Variants in MPZL1 observed in about 807,000 individuals in gnomAD.
The protein encoded by MPZL1 is myelin protein zero-like protein 1.
MPZL1 carries 16 observed loss-of-function variants against 29.3 expected under a neutral mutation model. The ratio of observed to expected loss-of-function variants is 0.55; its 90% CI spans 0.37 to 0.83. The LOEUF is 0.83. MPZL1 is among the 40% of genes least tolerant of loss of function. The pLI, the probability that MPZL1 is intolerant of heterozygous loss-of-function variation, is 0.00. For synonymous variants in MPZL1, 143 were observed against 132.0 expected (o/e 1.08, Z -0.57); for missense variants, 279 against 332.9 (o/e 0.84, Z 1.26).
At chr1:167,783,755 C>T (rs146155065) in intron 5 of MPZL1, among the ~76,000 whole-genome samples, 240 of 152,230 alleles carry the variant, frequency 1.6e-3, no homozygotes, top group African/African-American at 5.3e-3. Flanking sequence ...CAATTTTTTT[C>T]ACCTCTGCTT....
intron 5 of MPZL1, among the ~76,000 whole-genome samples, chr1:167,780,454 G>A (rs1208558648): frequency 6.6e-6 from 1 of 152,180 alleles, no homozygotes; most frequent in Non-Finnish European, 1.5e-5. Flanking sequence ...CATGTTCATA[G>A]CAGTATTATT....
At chr1:167,738,480 T>G (rs1389180017) in intron 1 of MPZL1, among the ~76,000 whole-genome samples, 1 of 152,202 alleles carries the variant, frequency 6.6e-6, no homozygotes, top group African/African-American at 2.4e-5. Context: ...TTTCCTACTA[T>G]TTATAGCTGG....
At chr1:167,761,480 C>A (rs762538649) in intron 1 of MPZL1, among the ~76,000 whole-genome samples, 2 of 151,994 alleles carry the variant, frequency 1.3e-5, no homozygotes, top group African/African-American at 2.4e-5. Context: ...GGCACAGATG[C>A]AGGGAGGTGG....
intron 1 of MPZL1, among the ~76,000 whole-genome samples, chr1:167,755,153 G>A (rs765036750): frequency 6.6e-6 from 1 of 152,130 alleles, no homozygotes; most frequent in Non-Finnish European, 1.5e-5. Context: ...GTATTTTTCA[G>A]TAGTTTCAGT....
rs1320951679 is a variant in MPZL1 at position 167,788,106 on chromosome 1, A to G, written c.*185A>G. On this transcript the variant is annotated 3_prime_UTR_variant, in exon 6 of 6. Coordinates refer to ENST00000359523, the MANE Select transcript of MPZL1 (RefSeq NM_003953.6). ...AAATATTCTATTTAGTCATCCTGAT[A>G]TGAGGAGCCAGTGTTGCATGATGAA... 1 of 522,336 alleles carries G rather than the reference A, an allele frequency of 1.9e-6. No homozygotes were observed. Among genetic ancestry groups the G allele is most frequent in the Non-Finnish European group, 3.5e-6 (1 of 284,670 alleles). The allele number at this position is 522,336 out of a possible 1,614,324, so 32.4% of individuals were successfully genotyped here.
intron 1 of MPZL1, among the ~76,000 whole-genome samples, chr1:167,760,747 CTGTGTGTGTG>C (rs58963124): frequency 6.8e-4 from 82 of 120,188 alleles, no homozygotes; most frequent in African/African-American, 1.9e-3. Flanking sequence ...GTTGAATAGG[CTGTGTGTGTG>C]TGTGTGTGTG....
At position 167,734,707 on chromosome 1, in the gene MPZL1, A is replaced by C. The variant is rs761098972; in HGVS notation, c.91+12465A>C. 7.9e-5 allele frequency among the ~76,000 whole-genome samples: 12 copies of C among 152,322 alleles called. No individual in the cohort carries two copies. In the East Asian group the frequency reaches 2.1e-3, roughly 27 times the overall value. ...AGAAGCAAAGAGAGGCGTTGGGGGT[A>C]GGTCCTGAGGAGAATCAGCAGTGTC... On this transcript the variant is annotated intron_variant, in intron 1 of 5. Transcript: ENST00000359523.
At chr1:167,727,440 C>G (rs150846973) in intron 1 of MPZL1, among the ~76,000 whole-genome samples, 1,919 of 152,256 alleles carry the variant, frequency 0.013, 37 homozygotes, top group African/African-American at 0.042. Flanking sequence ...ATCTTGCTCT[C>G]TAAGACCACA....
intron 1 of MPZL1, among the ~76,000 whole-genome samples, chr1:167,727,862 C>G (rs1435815402): frequency 2.7e-5 from 4 of 147,236 alleles, no homozygotes; most frequent in African/African-American, 7.8e-5. Flanking sequence ...TATCTTTTTT[C>G]TTTCTTTTCC....
chr1:167,760,667 G>A (rs574177970), intron 1 of MPZL1, among the ~76,000 whole-genome samples: 1 of 151,998 alleles, frequency 6.6e-6, no homozygotes, highest in Admixed American at 6.6e-5. Context: ...AAGGAAGTTT[G>A]GGGGGTGGGA....
intron 1 of MPZL1, among the ~76,000 whole-genome samples, chr1:167,726,511 A>G (rs1367252573): frequency 2.0e-5 from 3 of 152,240 alleles, no homozygotes; most frequent in Non-Finnish European, 2.9e-5. Flanking sequence ...TGTCTTGACA[A>G]CAGTTTGTTA....
chr1:167,776,968 T>C (rs1226240452), intron 5 of MPZL1, among the ~76,000 whole-genome samples: 6 of 152,210 alleles, frequency 3.9e-5, no homozygotes, highest in Non-Finnish European at 7.3e-5. Flanking sequence ...ATAGTTGTTA[T>C]ATGTGGTGAG....
chr1:167,762,966 A>G lies in MPZL1; in HGVS notation c.92-2617A>G, dbSNP rs780113000. 5.3e-5 allele frequency among the ~76,000 whole-genome samples: 8 copies of G among 152,290 alleles called. No homozygotes were observed. The South Asian group carries it at 1.7e-3, about 32-fold the overall frequency. On this transcript the variant is annotated intron_variant, in intron 1 of 5. Coordinates refer to ENST00000359523, the MANE Select transcript of MPZL1 (RefSeq NM_003953.6). ...AGCTTTGGATTTCATAATCCTGGCT[A>G]AGAGCTACACGTTCAGATTAGCCAA...
At chr1:167,743,356 G>A (rs1314522021) in intron 1 of MPZL1, among the ~76,000 whole-genome samples, 5 of 151,676 alleles carry the variant, frequency 3.3e-5, no homozygotes, top group African/African-American at 7.3e-5. Flanking sequence ...GACTACAGGC[G>A]CACATCACGC....
intron 1 of MPZL1, among the ~76,000 whole-genome samples, chr1:167,751,639 C>G (rs1260674364): frequency 6.7e-6 from 1 of 150,114 alleles, no homozygotes; most frequent in Non-Finnish European, 1.5e-5. Context: ...CCATTGCACT[C>G]CAGCCTGGGC....
chr1:167,754,220 A>T (rs1558116462), intron 1 of MPZL1, among the ~76,000 whole-genome samples: 1 of 151,344 alleles, frequency 6.6e-6, no homozygotes, highest in Non-Finnish European at 1.5e-5. Flanking sequence ...GCTGGTCTTG[A>T]ACTCCTGAGC....
chr1:167,770,550 A>G (rs1346491324), intron 2 of MPZL1, among the ~76,000 whole-genome samples: 2 of 152,248 alleles, frequency 1.3e-5, no homozygotes, highest in Non-Finnish European at 1.5e-5. Flanking sequence ...TCACACACCC[A>G]TGACTTTTCC....
In MPZL1 at chr1:167,748,738, T is replaced by G. The variant is rs1660700080; in HGVS notation, c.92-16845T>G. Among the ~76,000 whole-genome samples, 3 of 152,312 alleles carry G rather than the reference T, an allele frequency of 2.0e-5. No homozygotes were observed. In the South Asian group the frequency reaches 6.2e-4, roughly 32 times the overall value. On this transcript the variant is annotated intron_variant, in intron 1 of 5. Coordinates refer to ENST00000359523, the MANE Select transcript of MPZL1 (RefSeq NM_003953.6). ...ACTCCTATGTTTTTTTCTAAGGGTT[T>G]TATAGTTTTAGCTCTTACCTTTAAG... is the stretch of plus-strand genomic sequence containing the variant.
At chr1:167,753,740 C>T (rs1278618164) in intron 1 of MPZL1, among the ~76,000 whole-genome samples, 1 of 152,014 alleles carries the variant, frequency 6.6e-6, no homozygotes, top group Non-Finnish European at 1.5e-5. Flanking sequence ...AGCGATTCTC[C>T]TACCTCAGTC....
Sources: allele counts gnomAD v4.1 joint callset (sites outside exome capture counted in the v4.1 genomes callset), GRCh38; gene constraint gnomAD v4.1.1; transcripts MANE v1.5; gene names NCBI Gene and HGNC (gene_info 2026-07-23, HGNC 2026-07-21).